WNT7A: variants seen among roughly 807,000 people sequenced by gnomAD.
WNT7A encodes Wnt family member 7A, also known as protein Wnt-7a.
A neutral mutation model predicts 28.2 loss-of-function variants in WNT7A; 16 were observed. That is an observed-to-expected ratio of 0.57 (90% CI 0.38 to 0.86). WNT7A has a LOEUF of 0.86. WNT7A is among the 40% of genes least tolerant of loss of function. WNT7A has a pLI of 0.00. For missense variants in WNT7A, 411 were observed against 489.7 expected, an observed-to-expected ratio of 0.84 and a Z score of 1.52; for synonymous variants, 190 against 195.9, an observed-to-expected ratio of 0.97 and a Z score of 0.25.
chr3:13,831,169 AC>A (rs1306715891), intron 3 of WNT7A, among the ~76,000 whole-genome samples: 1 of 152,096 alleles, frequency 6.6e-6, no homozygotes, highest in Non-Finnish European at 1.5e-5. Flanking sequence ...GCTCAGTGTC[AC>A]TTCTTCCTAC....
chr3:13,870,899 G>A (rs115659623), intron 2 of WNT7A, among the ~76,000 whole-genome samples: 1 of 152,216 alleles, frequency 6.6e-6, no homozygotes, highest in African/African-American at 2.4e-5. Context: ...CACCAGAGGT[G>A]GCTTGAATTG....
At position 13,818,895 on chromosome 3, in the gene WNT7A, T is replaced by C; in HGVS notation, c.*49A>G. On this transcript the variant is annotated 3_prime_UTR_variant, in exon 4 of 4. Coordinates refer to ENST00000285018, the MANE Select transcript of WNT7A (RefSeq NM_004625.4). ...AGCCCGCAGCTTGGAAACGGTCCAG[T>C]CCTCCCAGCAATCTGACTTGCAGCG... 1.3e-6 allele frequency: 2 copies of C among 1,536,030 alleles called. No homozygotes were observed. The highest frequency in any genetic ancestry group is 8.8e-7 in the Non-Finnish European group (1 of 1,137,176).
At chr3:13,847,020 G>T (rs1289447502) in intron 3 of WNT7A, among the ~76,000 whole-genome samples, 1 of 152,148 alleles carries the variant, frequency 6.6e-6, no homozygotes, top group Non-Finnish European at 1.5e-5. Flanking sequence ...TACCCATGCG[G>T]CCTCTCTTAT....
intron 2 of WNT7A, among the ~76,000 whole-genome samples, chr3:13,860,852 T>C (rs1311365792): frequency 6.6e-6 from 1 of 152,224 alleles, no homozygotes; most frequent in East Asian, 1.9e-4. Flanking sequence ...GTCTGTTCTA[T>C]TGCTGTGGAA....
chr3:13,854,368 A>G (rs1347201759), intron 3 of WNT7A, among the ~76,000 whole-genome samples, 164 bp downstream of exon 3: 1 of 152,110 alleles, frequency 6.6e-6, no homozygotes, highest in Non-Finnish European at 1.5e-5. Flanking sequence ...TTCGTGCCAT[A>G]CACAAATCCT....
chr3:13,854,391 G>C, intron 3 of WNT7A, 141 bp downstream of exon 3: 1 of 1,385,206 alleles, frequency 7.2e-7, no homozygotes, highest in Non-Finnish European at 1.0e-6. Context: ...CCAGCTACAA[G>C]CTGATGCCAG....
At chr3:13,877,687 A>G (rs1695130296) in intron 1 of WNT7A, among the ~76,000 whole-genome samples, 2 of 145,570 alleles carry the variant, frequency 1.4e-5, no homozygotes, top group South Asian at 4.2e-4. Flanking sequence ...GGTATTGATA[A>G]CTAGTCCCCA....
intron 1 of WNT7A, among the ~76,000 whole-genome samples, chr3:13,876,814 G>A (rs1314321829): frequency 6.6e-6 from 1 of 152,032 alleles, no homozygotes; most frequent in Non-Finnish European, 1.5e-5. Context: ...GACCTCAAGG[G>A]TCACCTCCCT....
intron 2 of WNT7A, among the ~76,000 whole-genome samples, chr3:13,874,506 T>C (rs924496356): frequency 6.6e-6 from 1 of 152,004 alleles, no homozygotes; most frequent in Non-Finnish European, 1.5e-5. Flanking sequence ...AGTGAATGGG[T>C]TGCCCATTCA....
At chr3:13,840,967 A>T (rs1036134967) in intron 3 of WNT7A, among the ~76,000 whole-genome samples, 1 of 152,202 alleles carries the variant, frequency 6.6e-6, no homozygotes, top group Non-Finnish European at 1.5e-5. Context: ...TCATATTTAC[A>T]TGCAGTAATT....
chr3:13,842,210 G>A (rs1422161021), intron 3 of WNT7A, among the ~76,000 whole-genome samples: 1 of 152,206 alleles, frequency 6.6e-6, no homozygotes, highest in African/African-American at 2.4e-5. Flanking sequence ...AGGGGCCCAA[G>A]TTAGTAGGCT....
chr3:13,848,339 C>T (rs1270922838), intron 3 of WNT7A, among the ~76,000 whole-genome samples: 1 of 152,182 alleles, frequency 6.6e-6, no homozygotes, highest in Non-Finnish European at 1.5e-5. Flanking sequence ...TGACCAAATA[C>T]TGGCTGCTAG....
intron 3 of WNT7A, among the ~76,000 whole-genome samples, chr3:13,851,459 T>C (rs1694636441): frequency 1.3e-5 from 2 of 152,340 alleles, no homozygotes; most frequent in Non-Finnish European, 2.9e-5. Flanking sequence ...CTGGACTCCT[T>C]ATCCTTCAAA....
In WNT7A at chr3:13,818,852, C is replaced by T. The variant is rs1214572983; in HGVS notation, c.*92G>A. The T allele has an allele frequency of 6.8e-7, 1 of 1,480,460 alleles. No individual in the cohort carries two copies. The highest frequency in any genetic ancestry group is 2.4e-5 in the East Asian group (1 of 42,286). The allele number at this position is 1,480,460 out of a possible 1,614,324, so 91.7% of individuals were successfully genotyped here. A position where few individuals can be genotyped will look rare whatever the true frequency, so the allele number is the denominator to read the frequency against. On this transcript the variant is annotated 3_prime_UTR_variant, in exon 4 of 4. Coordinates refer to ENST00000285018, the MANE Select transcript of WNT7A (RefSeq NM_004625.4). ...TACCCTCCTCAGCAGAAAAGACAAGCTCAGCATCCTGCCAGGGAGCCCGCA... is the reference window on the plus strand; with the variant it reads ...TACCCTCCTCAGCAGAAAAGACAAGTTCAGCATCCTGCCAGGGAGCCCGCA...
At chr3:13,866,785 G>C (rs546503315) in intron 2 of WNT7A, among the ~76,000 whole-genome samples, 3 of 152,286 alleles carry the variant, frequency 2.0e-5, no homozygotes, top group Admixed American at 2.0e-4. Context: ...TTACACAGCA[G>C]GATGCCACAC....
At chr3:13,825,603 C>G (rs60074680) in intron 3 of WNT7A, among the ~76,000 whole-genome samples, 2 of 152,196 alleles carry the variant, frequency 1.3e-5, no homozygotes, top group Non-Finnish European at 2.9e-5. Flanking sequence ...GTCTTCCAGC[C>G]CATAGGAGTG....
rs564544006 is a variant in WNT7A at position 13,839,157 on chromosome 3, G to A, written c.570+15375C>T. Among the ~76,000 whole-genome samples, 3 of 152,292 alleles carry A rather than the reference G, an allele frequency of 2.0e-5. No individual in the cohort carries two copies. In the South Asian group the frequency reaches 6.2e-4, roughly 32 times the overall value. ...ATTATGTTTCTACTGGACAGTGCTG[G>A]TTGAAATCCTTGCTGCTCAAGGTGT... is the stretch of plus-strand genomic sequence containing the variant. On this transcript the variant is annotated intron_variant, in intron 3 of 3. Transcript: ENST00000285018.
At chr3:13,861,255 C>A (rs548009818) in intron 2 of WNT7A, among the ~76,000 whole-genome samples, 24 of 152,348 alleles carry the variant, frequency 1.6e-4, no homozygotes, top group African/African-American at 5.5e-4. Context: ...CCACCCCTGG[C>A]AGTGGGGACA....
At chr3:13,847,018 C>T (rs574257983) in intron 3 of WNT7A, among the ~76,000 whole-genome samples, 23 of 152,280 alleles carry the variant, frequency 1.5e-4, no homozygotes, top group African/African-American at 5.1e-4. Flanking sequence ...CCTACCCATG[C>T]GGCCTCTCTT....
Sources: allele counts gnomAD v4.1 joint callset (sites outside exome capture counted in the v4.1 genomes callset), GRCh38; gene constraint gnomAD v4.1.1; transcripts MANE v1.5; gene names NCBI Gene and HGNC (gene_info 2026-07-23, HGNC 2026-07-21).